Variants in TLCD2 observed in about 807,000 individuals in gnomAD.
The protein encoded by TLCD2 is TLC domain-containing protein 2.
In TLCD2, 12 loss-of-function variants were observed where a neutral mutation model predicts 14.0. The observed-to-expected ratio is 0.86, with a 90% CI of 0.55 to 1.39. TLCD2 has a LOEUF of 1.39. TLCD2 is among the 40% of genes most tolerant of loss of function. The pLI, the probability that TLCD2 is intolerant of heterozygous loss-of-function variation, is 0.00. For missense variants in TLCD2, 360 were observed against 346.8 expected (o/e 1.04, Z -0.30); for synonymous variants, 166 against 156.5 (o/e 1.06, Z -0.45).
chr17:1,708,264 C>A, intron 3 of TLCD2, 42 bp from the exon 4 acceptor site: 1 of 1,417,960 alleles, frequency 7.1e-7, no homozygotes, highest in Non-Finnish European at 9.4e-7. Context: ...CCATGACCTG[C>A]CAGCCATCAT....
In TLCD2 at chr17:1,704,169, G is replaced by A. The variant is rs1913957271; in HGVS notation, c.*3601C>T. 1 of 133,104 alleles carries A rather than the reference G, an allele frequency of 7.5e-6. No homozygotes were observed. The highest frequency in any genetic ancestry group is 2.3e-4 in the South Asian group (1 of 4,374). The allele number at this position is 133,104 out of a possible 1,614,324, so 8.2% of individuals were successfully genotyped here. ...GAGTCCAGGAGGTGGAGGTTGCAGTGAGCCAAGATTGTGCCACTGCATTCC... is the reference window on the plus strand; with the variant it reads ...GAGTCCAGGAGGTGGAGGTTGCAGTAAGCCAAGATTGTGCCACTGCATTCC... On this transcript the variant is annotated 3_prime_UTR_variant, in exon 4 of 4. Coordinates refer to ENST00000330676, the MANE Select transcript of TLCD2 (RefSeq NM_001164407.2).
At position 1,707,815 on chromosome 17, in the gene TLCD2, A is replaced by G; in HGVS notation, c.750T>C (p.Asn250=). ...TCGAACTGTTGCTGGTGACAGGTCC[A>G]TTGTCACGACGTGTCCTGGTCCCCC... ...KTRGTRTRRD[N]GPVTSNSSTL... The change falls in exon 4 of 4, where the codon AAT becomes AAC. Residue 250 remains asparagine (N), a synonymous_variant. Transcript: ENST00000330676. 3 of 1,523,438 alleles carry G rather than the reference A, an allele frequency of 2.0e-6. No individual in the cohort carries two copies. Among genetic ancestry groups the G allele is most frequent in the South Asian group, 2.4e-5 (2 of 82,028 alleles). The allele number at this position is 1,523,438 out of a possible 1,614,324, so 94.4% of individuals were successfully genotyped here. A position where few individuals can be genotyped will look rare whatever the true frequency, so the allele number is the denominator to read the frequency against.
In TLCD2 at chr17:1,706,773, C is replaced by CAAAAAAAAAAA. The variant is rs55703430; in HGVS notation, c.*986_*996dup. 7.5e-5 allele frequency: 6 copies of CAAAAAAAAAAA among 80,158 alleles called. No individual in the cohort carries two copies. The highest frequency in any genetic ancestry group is 1.2e-4 in the Non-Finnish European group (5 of 40,718). The allele number at this position is 80,158 out of a possible 1,614,324, so 5.0% of individuals were successfully genotyped here. On this transcript the variant is annotated 3_prime_UTR_variant, in exon 4 of 4. Coordinates refer to ENST00000330676, the MANE Select transcript of TLCD2 (RefSeq NM_001164407.2). ...TGGGCAACAGAGCAAGAACTTGTCT[C>CAAAAAAAAAAA]AAAAAAAAAAAAAAAAAAAGAAAAG...
Position 1,707,677 on chromosome 17 carries a change from C to G in TLCD2, c.*93G>C. 2 of 995,680 alleles carry G rather than the reference C, an allele frequency of 2.0e-6. No individual in the cohort carries two copies. The highest frequency in any genetic ancestry group is 1.4e-6 in the Non-Finnish European group (1 of 706,950). The allele number at this position is 995,680 out of a possible 1,614,324, so 61.7% of individuals were successfully genotyped here. On this transcript the variant is annotated 3_prime_UTR_variant, in exon 4 of 4. Transcript: ENST00000330676. ...GAAACTGAGATTCTGATGAGCAAGT[C>G]TGGCCCTCACCCTGATGGGGGACTG...
At position 1,704,580 on chromosome 17, in the gene TLCD2, T is replaced by C. The variant is rs1251523531; in HGVS notation, c.*3190A>G. The stretch of plus-strand genomic sequence containing the variant: ...CCTCAGTCTCGATGTATTTTCATCC[T>C]TTGCGCCTGTTTTTATGACTCTATG... On this transcript the variant is annotated 3_prime_UTR_variant, in exon 4 of 4. Transcript: ENST00000330676. The C allele has an allele frequency of 6.6e-6, 1 of 152,182 alleles. No homozygotes were observed. Among genetic ancestry groups the C allele is most frequent in the African/African-American group, 2.4e-5 (1 of 41,452 alleles). The allele number at this position is 152,182 out of a possible 1,614,324, so 9.4% of individuals were successfully genotyped here.
rs947880645 is a variant in TLCD2, at chr17:1,707,855, C to T, written c.710G>A (p.Gly237Asp). 25 of 1,536,688 alleles carry T rather than the reference C, an allele frequency of 1.6e-5. No individual in the cohort carries two copies. In the African/African-American group the frequency reaches 3.4e-4, roughly 21 times the overall value. ...CCTGGTCCCCCTGGTTTTCTCATGGCCAGGGCTGGGTGGATGGGGTCGAGA... is the reference window on the plus strand; with the variant it reads ...CCTGGTCCCCCTGGTTTTCTCATGGTCAGGGCTGGGTGGATGGGGTCGAGA... ...LQSRPHPPSP[G>D]HEKTRGTRTR... Residue 237 changes from glycine (G) to aspartate (D), a missense_variant, in exon 4 of 4, where the codon GGC (glycine) becomes GAC (aspartate). Coordinates refer to ENST00000330676, the MANE Select transcript of TLCD2 (RefSeq NM_001164407.2).
At chr17:1,709,441 G>C (rs1481517183) in intron 3 of TLCD2, 58 bp downstream of exon 3, 9 of 1,198,480 alleles carry the variant, frequency 7.5e-6, no homozygotes, top group Non-Finnish European at 9.5e-6. Context: ...TGGGAACCTC[G>C]GGCTGGACAG....
rs1914162954 is a variant in TLCD2 at position 1,709,822 on chromosome 17, G to T, written c.241C>A (p.Leu81Met). 1.3e-6 allele frequency: 2 copies of T among 1,533,694 alleles called. No individual in the cohort carries two copies. Among genetic ancestry groups the T allele is most frequent in the Non-Finnish European group, 1.7e-6 (2 of 1,145,218 alleles). ...IHGHPRWALV[L>M]VAVSVGYFLA... The stretch of plus-strand genomic sequence containing the variant: ...GACTCACCCACAGACACAGCCACCA[G>T]CACCAGAGCCCAGCGCGGGTGGCCA... Residue 81 changes from leucine to methionine, a missense_variant, in exon 2 of 4, where the codon CTG becomes ATG. Coordinates refer to ENST00000330676, the MANE Select transcript of TLCD2 (RefSeq NM_001164407.2).
chr17:1,708,123 G>A lies in TLCD2; in HGVS notation c.442C>T (p.Arg148Trp), dbSNP rs1019843784. ...LELNSACLHLRKLLLLSRQAP... is the reference protein window; with the variant it reads ...LELNSACLHLWKLLLLSRQAP... ...TGGCGAGAAAGCAACAGCAGCTTCC[G>A]CAGGTGCAAGCAGGCAGAGTTCAGT... The change falls in exon 4 of 4, where the codon CGG becomes TGG. Residue 148 changes from arginine (R) to tryptophan (W), a missense_variant. Physicochemically the swap from Arg to Trp is moderately radical, Grantham distance 101. Coordinates refer to ENST00000330676, the MANE Select transcript of TLCD2 (RefSeq NM_001164407.2). 1.2e-5 allele frequency: 18 copies of A among 1,536,810 alleles called. No homozygotes were observed. Among genetic ancestry groups the A allele is most frequent in the Middle Eastern group, 1.7e-4 (1 of 6,004 alleles).
Position 1,703,092 on chromosome 17 carries a change from T to A in TLCD2, c.*4678A>T, listed in dbSNP as rs1485967338. On this transcript the variant is annotated 3_prime_UTR_variant, in exon 4 of 4. Coordinates refer to ENST00000330676, the MANE Select transcript of TLCD2 (RefSeq NM_001164407.2). Reference sequence around the variant, plus strand: ...TTAACCTCTGCATTTTTGAACGTCCTTTTTTTAGGGTCTTAATTGACCATT... The same window carrying A: ...TTAACCTCTGCATTTTTGAACGTCCATTTTTTAGGGTCTTAATTGACCATT... 1.3e-5 allele frequency: 2 copies of A among 152,112 alleles called. No individual in the cohort carries two copies. Among genetic ancestry groups the A allele is most frequent in the Admixed American group, 6.6e-5 (1 of 15,262 alleles). The allele number at this position is 152,112 out of a possible 1,614,324, so 9.4% of individuals were successfully genotyped here. A position where few individuals can be genotyped will look rare whatever the true frequency, so the allele number is the denominator to read the frequency against.
In TLCD2 at chr17:1,707,830, C is replaced by T; in HGVS notation, c.735G>A (p.Arg245=). The change falls in exon 4 of 4, where the codon AGG becomes AGA. Residue 245 remains arginine (R), a synonymous_variant. Coordinates refer to ENST00000330676, the MANE Select transcript of TLCD2 (RefSeq NM_001164407.2). ...TGACAGGTCCATTGTCACGACGTGTCCTGGTCCCCCTGGTTTTCTCATGGC... is the reference window on the plus strand; with the variant it reads ...TGACAGGTCCATTGTCACGACGTGTTCTGGTCCCCCTGGTTTTCTCATGGC... ...SPGHEKTRGT[R]TRRDNGPVTS... 1 of 1,533,302 alleles carries T rather than the reference C, an allele frequency of 6.5e-7. No individual in the cohort carries two copies. The highest frequency in any genetic ancestry group is 1.2e-5 in the South Asian group (1 of 83,430). The allele number at this position is 1,533,302 out of a possible 1,614,324, so 95.0% of individuals were successfully genotyped here.
At position 1,708,237 on chromosome 17, in the gene TLCD2, C is replaced by T; in HGVS notation, c.343-15G>A. Reference sequence around the variant, plus strand: ...CAGCTCACCACCTGGGAGCCAGGGTCACAGGTCAGAGGAACCCCATGACCT... The same window carrying T: ...CAGCTCACCACCTGGGAGCCAGGGTTACAGGTCAGAGGAACCCCATGACCT... On this transcript the variant is annotated splice_polypyrimidine_tract_variant and intron_variant, in intron 3 of 3. Transcript: ENST00000330676. The T allele has an allele frequency of 1.3e-6, 2 of 1,510,076 alleles. No homozygotes were observed. Among genetic ancestry groups the T allele is most frequent in the Non-Finnish European group, 1.8e-6 (2 of 1,132,162 alleles). The allele number at this position is 1,510,076 out of a possible 1,614,324, so 93.5% of individuals were successfully genotyped here.
At chr17:1,709,278 T>A (rs2151145605) in intron 3 of TLCD2, among the ~76,000 whole-genome samples, 1 of 149,626 alleles carries the variant, frequency 6.7e-6, no homozygotes. Context: ...TAATCCCAGC[T>A]ACGTGGGAGG....
In TLCD2 at chr17:1,707,848, C is replaced by G. The variant is rs1163736109; in HGVS notation, c.717G>C (p.Glu239Asp). Reference sequence around the variant, plus strand: ...GACGTGTCCTGGTCCCCCTGGTTTTCTCATGGCCAGGGCTGGGTGGATGGG... The same window carrying G: ...GACGTGTCCTGGTCCCCCTGGTTTTGTCATGGCCAGGGCTGGGTGGATGGG... The part of the protein sequence containing the change: ...SRPHPPSPGH[E>D]KTRGTRTRRD... The change falls in exon 4 of 4, where the codon GAG becomes GAC. Residue 239 changes from glutamate (E) to aspartate (D), a missense_variant. Glu to Asp is a conservative substitution (Grantham distance 45). Coordinates refer to ENST00000330676, the MANE Select transcript of TLCD2 (RefSeq NM_001164407.2). 10 of 1,536,112 alleles carry G rather than the reference C, an allele frequency of 6.5e-6. No homozygotes were observed. Among genetic ancestry groups the G allele is most frequent in the Non-Finnish European group, 8.7e-6 (10 of 1,146,342 alleles).
chr17:1,709,997 G>A lies in TLCD2; in HGVS notation c.176+70C>T, dbSNP rs1244032832. On this transcript the variant is annotated intron_variant, in intron 1 of 3. Coordinates refer to ENST00000330676, the MANE Select transcript of TLCD2 (RefSeq NM_001164407.2). ...CCAGTCTCAGCTCTGGAGACGCCCG[G>A]CGGGTCTCCCGGCCTCAGCCTCCCA... The A allele has an allele frequency of 2.1e-5, 32 of 1,515,732 alleles. No individual in the cohort carries two copies. The South Asian group carries it at 3.7e-4, about 18-fold the overall frequency. 93.9% of individuals were successfully genotyped at this position (1,515,732 alleles called of 1,614,324 possible).
At position 1,705,593 on chromosome 17, in the gene TLCD2, C is replaced by T. The variant is rs1914006263; in HGVS notation, c.*2177G>A. 1 of 152,314 alleles carries T rather than the reference C, an allele frequency of 6.6e-6. No homozygotes were observed. The allele number at this position is 152,314 out of a possible 1,614,324, so 9.4% of individuals were successfully genotyped here. A position where few individuals can be genotyped will look rare whatever the true frequency, so the allele number is the denominator to read the frequency against. Reference sequence around the variant, plus strand: ...AGGGCCTGTCTCTTTTGCCCTCCATCCTTCTTTGCCTCTGTCACCTCTATG... The same window carrying T: ...AGGGCCTGTCTCTTTTGCCCTCCATTCTTCTTTGCCTCTGTCACCTCTATG... On this transcript the variant is annotated 3_prime_UTR_variant, in exon 4 of 4. Coordinates refer to ENST00000330676, the MANE Select transcript of TLCD2 (RefSeq NM_001164407.2).
Position 1,707,547 on chromosome 17 carries a change from C to G in TLCD2, c.*223G>C. Reference sequence around the variant, plus strand: ...TTTATTTGCTGGAAAGGATGCTCATCTGATGACGGATTTCAGTGAACAGAA... The same window carrying G: ...TTTATTTGCTGGAAAGGATGCTCATGTGATGACGGATTTCAGTGAACAGAA... On this transcript the variant is annotated 3_prime_UTR_variant, in exon 4 of 4. Transcript: ENST00000330676. 1 of 500,252 alleles carries G rather than the reference C, an allele frequency of 2.0e-6. No individual in the cohort carries two copies. The highest frequency in any genetic ancestry group is 5.0e-4 in the Middle Eastern group (1 of 2,008). 31.0% of individuals were successfully genotyped at this position (500,252 alleles called of 1,614,324 possible). A position where few individuals can be genotyped will look rare whatever the true frequency, so the allele number is the denominator to read the frequency against.
Position 1,707,666 on chromosome 17 carries a change from G to T in TLCD2, c.*104C>A. 1.1e-6 allele frequency: 1 copy of T among 873,524 alleles called. No homozygotes were observed. Among genetic ancestry groups the T allele is most frequent in the Non-Finnish European group, 1.7e-6 (1 of 604,762 alleles). The allele number at this position is 873,524 out of a possible 1,614,324, so 54.1% of individuals were successfully genotyped here. On this transcript the variant is annotated 3_prime_UTR_variant, in exon 4 of 4. Transcript: ENST00000330676. ...TAGCTGGAAGAGAAACTGAGATTCT[G>T]ATGAGCAAGTCTGGCCCTCACCCTG...
Position 1,705,658 on chromosome 17 carries a change from T to C in TLCD2, c.*2112A>G, listed in dbSNP as rs1333719235. The C allele has an allele frequency of 6.6e-6, 1 of 152,274 alleles. No homozygotes were observed. Among genetic ancestry groups the C allele is most frequent in the Non-Finnish European group, 1.5e-5 (1 of 68,066 alleles). 9.4% of individuals were successfully genotyped at this position (152,274 alleles called of 1,614,324 possible). A position where few individuals can be genotyped will look rare whatever the true frequency, so the allele number is the denominator to read the frequency against. On this transcript the variant is annotated 3_prime_UTR_variant, in exon 4 of 4. Transcript: ENST00000330676. ...CTCTTTCTATCTATCACTCAATCTA[T>C]GTATGTCTGTCTCTGTCATTCTTCG...
Sources: gnomAD v4.1 joint callset for allele counts (sites outside exome capture counted in the v4.1 genomes callset) on GRCh38, gnomAD v4.1.1 for gene constraint, MANE v1.5 for transcripts, NCBI Gene and HGNC (gene_info 2026-07-23, HGNC 2026-07-21) for gene names.